The following PIP5K1B variants were observed in gnomAD, a reference collection of about 807,000 sequenced individuals.
The protein encoded by PIP5K1B is phosphatidylinositol 4-phosphate 5-kinase type-1 beta.
PIP5K1B carries 42 observed loss-of-function variants against 67.0 expected under a neutral mutation model. The ratio of observed to expected loss-of-function variants is 0.63; its 90% CI spans 0.49 to 0.81. The LOEUF (loss-of-function observed/expected upper bound fraction) is 0.81, where lower values mean the gene tolerates loss of function less well. PIP5K1B is among the 30% of genes least tolerant of loss of function. PIP5K1B has a pLI of 0.00. For missense variants in PIP5K1B, 459 were observed against 646.3 expected (o/e 0.71, Z 3.14); for synonymous variants, 214 against 231.4 (o/e 0.92, Z 0.68).
chr9:68,985,489 C>T (rs549966097), intron 14 of PIP5K1B, among the ~76,000 whole-genome samples: 79 of 152,178 alleles, frequency 5.2e-4, no homozygotes, highest in African/African-American at 1.8e-3. Flanking sequence ...TGACCTCAGG[C>T]GATCCACCTG....
intron 1 of PIP5K1B, among the ~76,000 whole-genome samples, chr9:68,723,695 G>GTTTTTTTTT (rs36021674): frequency 2.9e-3 from 146 of 50,068 alleles, no homozygotes; most frequent in Non-Finnish European, 4.0e-3. Flanking sequence ...GAAGTATTTG[G>GTTTTTTTTT]TTTTTTTTTT....
At chr9:68,768,668 C>T (rs111888046) in intron 2 of PIP5K1B, among the ~76,000 whole-genome samples, 8 of 152,286 alleles carry the variant, frequency 5.3e-5, no homozygotes, top group Non-Finnish European at 5.9e-5. Context: ...TAAGCATCCA[C>T]ATTTTTAAAA....
intron 2 of PIP5K1B, among the ~76,000 whole-genome samples, chr9:68,757,789 T>A (rs1469035979): frequency 1.3e-5 from 2 of 152,160 alleles, no homozygotes; most frequent in Non-Finnish European, 2.9e-5. Context: ...TTATGAAATC[T>A]AAATAAAGTC....
At chr9:68,810,163 T>C (rs1034042002) in intron 2 of PIP5K1B, among the ~76,000 whole-genome samples, 6 of 152,232 alleles carry the variant, frequency 3.9e-5, no homozygotes, top group African/African-American at 1.4e-4. Flanking sequence ...CTGAATGGCA[T>C]GAAAATATTT....
chr9:68,937,176 G>C (rs1352777973), intron 13 of PIP5K1B, among the ~76,000 whole-genome samples: 2 of 152,198 alleles, frequency 1.3e-5, no homozygotes, highest in African/African-American at 4.8e-5. Flanking sequence ...AATAGTTTCA[G>C]AAGAAATGGT....
chr9:68,818,055 G>A (rs989664577), intron 2 of PIP5K1B, among the ~76,000 whole-genome samples: 2 of 152,190 alleles, frequency 1.3e-5, no homozygotes, highest in Non-Finnish European at 2.9e-5. Flanking sequence ...ATGTCACATG[G>A]TGTCACCTCT....
chr9:68,960,805 C>T (rs1376054683), intron 14 of PIP5K1B, among the ~76,000 whole-genome samples: 1 of 152,042 alleles, frequency 6.6e-6, no homozygotes, highest in African/African-American at 2.4e-5. Context: ...TTTTCTAATC[C>T]CTGCATAATC....
intron 14 of PIP5K1B, 57 bp from the exon 15 acceptor site, chr9:68,991,083 T>G: frequency 2.1e-6 from 2 of 949,128 alleles, no homozygotes; most frequent in Non-Finnish European, 3.5e-6. Flanking sequence ...ACTTTGGAGG[T>G]GTCTTTAGAT....
intron 9 of PIP5K1B, among the ~76,000 whole-genome samples, chr9:68,919,146 A>G (rs1473587305): frequency 1.3e-5 from 2 of 152,216 alleles, no homozygotes; most frequent in East Asian, 3.8e-4. Flanking sequence ...AATATTTTAT[A>G]ATGGTCTAAA....
chr9:68,783,138 G>C (rs1335588163), intron 2 of PIP5K1B: 1 of 166,910 alleles, frequency 6.0e-6, no homozygotes, highest in Non-Finnish European at 1.5e-5. Flanking sequence ...TCGCCCTCTT[G>C]CTTGAAAACT....
At chr9:68,848,397 C>A (rs1396717787) in intron 4 of PIP5K1B, among the ~76,000 whole-genome samples, 1 of 152,228 alleles carries the variant, frequency 6.6e-6, no homozygotes, top group East Asian at 1.9e-4. Flanking sequence ...TGCAGTTTCT[C>A]CATATCTTTC....
At chr9:68,726,550 G>A (rs1828156509) in intron 1 of PIP5K1B, among the ~76,000 whole-genome samples, 1 of 152,194 alleles carries the variant, frequency 6.6e-6, no homozygotes, top group South Asian at 2.1e-4. Flanking sequence ...GAATCAGATT[G>A]TGGACTAAGC....
intron 5 of PIP5K1B, among the ~76,000 whole-genome samples, chr9:68,872,201 C>G (rs565229263): frequency 1.8e-4 from 27 of 152,350 alleles, no homozygotes; most frequent in African/African-American, 6.5e-4. Context: ...TGGGCTGGCA[C>G]CCACATCTAC....
intron 14 of PIP5K1B, among the ~76,000 whole-genome samples, chr9:68,967,150 T>C (rs1829082214): frequency 6.6e-6 from 1 of 152,234 alleles, no homozygotes. Context: ...ATACCTGTGG[T>C]AGTTGTTTCA....
intron 1 of PIP5K1B, among the ~76,000 whole-genome samples, chr9:68,726,145 A>C (rs979019755): frequency 3.3e-5 from 5 of 152,222 alleles, no homozygotes; most frequent in African/African-American, 1.2e-4. Flanking sequence ...TTTGTAACAC[A>C]AAGAAAGGAT....
intron 2 of PIP5K1B, among the ~76,000 whole-genome samples, chr9:68,751,341 C>G (rs1829621742): frequency 1.3e-5 from 2 of 152,204 alleles, no homozygotes; most frequent in Admixed American, 6.5e-5. Flanking sequence ...CTTTCTAAAG[C>G]ATACCTATAA....
intron 14 of PIP5K1B, among the ~76,000 whole-genome samples, chr9:68,976,529 A>G (rs1351022392): frequency 6.6e-6 from 1 of 152,086 alleles, no homozygotes; most frequent in Non-Finnish European, 1.5e-5. Context: ...CTTCTTTCAC[A>G]TATTGTACTG....
At chr9:68,877,487 C>T (rs1157080573) in intron 6 of PIP5K1B, among the ~76,000 whole-genome samples, 2 of 152,090 alleles carry the variant, frequency 1.3e-5, no homozygotes, top group African/African-American at 4.8e-5. Flanking sequence ...CTGTTAACAC[C>T]CTGGGGGCTC....
At chr9:68,935,312 C>T (rs1179051015) in intron 13 of PIP5K1B, among the ~76,000 whole-genome samples, 1 of 151,968 alleles carries the variant, frequency 6.6e-6, no homozygotes, top group Non-Finnish European at 1.5e-5. Context: ...ACTGAAAATA[C>T]AAAAAATTAG....
Sources: allele counts gnomAD v4.1 joint callset (sites outside exome capture counted in the v4.1 genomes callset), GRCh38; gene constraint gnomAD v4.1.1; transcripts MANE v1.5; gene names NCBI Gene and HGNC (gene_info 2026-07-23, HGNC 2026-07-21).